The following ASCC1 variants were observed in gnomAD, a reference collection of about 807,000 sequenced individuals.
The protein encoded by ASCC1 is activating signal cointegrator 1 complex subunit 1.
A neutral mutation model predicts 46.6 loss-of-function variants in ASCC1; 35 were observed. The ratio of observed to expected loss-of-function variants is 0.75; its 90% CI spans 0.57 to 0.99. The LOEUF is 0.99. Among genes scored for constraint, ASCC1 ranks in the 50% least tolerant of loss-of-function variants. ASCC1 has a pLI of 0.00. For missense variants in ASCC1, 376 were observed against 428.7 expected, an observed-to-expected ratio of 0.88 and a Z score of 1.09; for synonymous variants, 143 against 146.6, an observed-to-expected ratio of 0.98 and a Z score of 0.18.
In ASCC1 at chr10:72,133,548, G is replaced by A. The variant is rs1255937380; in HGVS notation, c.747-367C>T. 9 of 306,990 alleles carry A rather than the reference G, an allele frequency of 2.9e-5. No individual in the cohort carries two copies. In the East Asian group the frequency reaches 7.5e-4, roughly 26 times the overall value. The allele number at this position is 306,990 out of a possible 1,614,324, so 19.0% of individuals were successfully genotyped here. A position where few individuals can be genotyped will look rare whatever the true frequency, so the allele number is the denominator to read the frequency against. On this transcript the variant is annotated intron_variant, in intron 7 of 9. Transcript: ENST00000672957. ...GGCACTTCAAGTAGAAGAAGAAACA[G>A]CAAGTGCAAAGATGCCAAGGCATGC...
rs12266447 is a variant in ASCC1 at position 72,112,114 on chromosome 10, G to A, written c.958-14664C>T. ...TATTTGGTCTGGTCTCTAACAAAGG[G>A]CTGCTTCAAAGAGGACAGTGCCCTG... On this transcript the variant is annotated intron_variant, in intron 9 of 9. Transcript: ENST00000672957. 4.2e-3 allele frequency among the ~76,000 whole-genome samples: 637 copies of A among 152,262 alleles called. 10 individuals carry two copies. Among genetic ancestry groups the A allele is most frequent in the African/African-American group, 0.014 (571 of 41,550 alleles).
At chr10:72,147,563 A>C (rs961023443) in intron 7 of ASCC1, among the ~76,000 whole-genome samples, 1 of 152,092 alleles carries the variant, frequency 6.6e-6, no homozygotes, top group African/African-American at 2.4e-5. Context: ...TAAAATAATA[A>C]ATTTTAAGTT....
chr10:72,129,627 G>A (rs1845320537), intron 8 of ASCC1, among the ~76,000 whole-genome samples: 2 of 151,822 alleles, frequency 1.3e-5, no homozygotes, highest in East Asian at 3.9e-4. Flanking sequence ...CCAACATGGT[G>A]AAACCCCGTC....
chr10:72,101,667 A>G (rs1841776669), intron 9 of ASCC1, among the ~76,000 whole-genome samples: 1 of 152,142 alleles, frequency 6.6e-6, no homozygotes, highest in African/African-American at 2.4e-5. Context: ...ATGGTGGGGA[A>G]CCACTGAAGG....
intron 7 of ASCC1, among the ~76,000 whole-genome samples, chr10:72,135,618 A>C (rs1031908574): frequency 1.3e-5 from 2 of 152,162 alleles, no homozygotes; most frequent in Admixed American, 1.3e-4. Context: ...CAGTAGTTAC[A>C]GAGTGAGGTG....
At chr10:72,145,644 T>G (rs1352423809) in intron 7 of ASCC1, among the ~76,000 whole-genome samples, 1 of 152,236 alleles carries the variant, frequency 6.6e-6, no homozygotes, top group Admixed American at 6.5e-5. Context: ...TAAATTGCCA[T>G]AATAGTTTCC....
At chr10:72,216,959 C>A (rs75786221), upstream of ASCC1, 6,442 of 456,060 alleles carry the variant, frequency 0.014, 350 homozygotes, top group African/African-American at 0.12. Context: ...AGAAAAAAAT[C>A]CATAATGATC....
chr10:72,132,920 A>G, intron 8 of ASCC1, 137 bp downstream of exon 8: 5 of 1,047,950 alleles, frequency 4.8e-6, no homozygotes, highest in South Asian at 4.1e-5. Context: ...CACCTCTACT[A>G]TGCTCATCAG....
chr10:72,103,397 G>T (rs746672652), intron 9 of ASCC1, among the ~76,000 whole-genome samples: 2 of 152,144 alleles, frequency 1.3e-5, no homozygotes, highest in Non-Finnish European at 2.9e-5. Flanking sequence ...CTCCCAAAGT[G>T]CTGGGATTAC....
intron 6 of ASCC1, among the ~76,000 whole-genome samples, chr10:72,154,404 C>T (rs1848708815): frequency 6.6e-6 from 1 of 151,716 alleles, no homozygotes; most frequent in African/African-American, 2.4e-5. Flanking sequence ...TGAATATTAA[C>T]AGTAAAAGAA....
intron 4 of ASCC1, chr10:72,198,355 GGGGA>G: frequency 2.6e-5 from 2 of 77,924 alleles, no homozygotes; most frequent in Non-Finnish European, 4.6e-5. Flanking sequence ...GGGGAGGGGA[GGGGA>G]GGGGAGGGGG....
chr10:72,119,936 G>A (rs1420453017), intron 9 of ASCC1, among the ~76,000 whole-genome samples: 2 of 152,194 alleles, frequency 1.3e-5, no homozygotes, highest in African/African-American at 2.4e-5. Context: ...AAATACTAGT[G>A]ATTAAAAGCA....
chr10:72,208,132 C>T (rs1294029410), intron 3 of ASCC1, among the ~76,000 whole-genome samples: 2 of 151,932 alleles, frequency 1.3e-5, no homozygotes, highest in African/African-American at 4.8e-5. Context: ...ACCCAGCCTT[C>T]CGAGTAAATA....
At chr10:72,208,783 GTT>G (rs200561981) in intron 3 of ASCC1, among the ~76,000 whole-genome samples, 1 of 150,388 alleles carries the variant, frequency 6.6e-6, no homozygotes, top group Non-Finnish European at 1.5e-5. Context: ...GTGTGTGTGT[GTT>G]TGTGTGTGTG....
At chr10:72,121,410 G>A (rs1844187492) in intron 9 of ASCC1, among the ~76,000 whole-genome samples, 4 of 151,756 alleles carry the variant, frequency 2.6e-5, no homozygotes, top group South Asian at 2.1e-4. Flanking sequence ...CTCCCAAAGC[G>A]CTGGGACTAC....
At chr10:72,168,312 G>C (rs923176395) in intron 5 of ASCC1, among the ~76,000 whole-genome samples, 1 of 152,002 alleles carries the variant, frequency 6.6e-6, no homozygotes, top group Non-Finnish European at 1.5e-5. Flanking sequence ...AAAATGACTC[G>C]AACATGTAGA....
At chr10:72,203,067 A>G (rs1478993215) in intron 4 of ASCC1, among the ~76,000 whole-genome samples, 15 of 152,190 alleles carry the variant, frequency 9.9e-5, no homozygotes. Context: ...GGGGAGGATC[A>G]CCTGAGGTCA....
intron 9 of ASCC1, among the ~76,000 whole-genome samples, chr10:72,109,904 C>T (rs748669986): frequency 1.3e-5 from 2 of 152,210 alleles, no homozygotes; most frequent in Non-Finnish European, 2.9e-5. Context: ...ACACTCCGCC[C>T]GTTTCCACAT....
At chr10:72,176,553 C>T (rs1851879384) in intron 5 of ASCC1, among the ~76,000 whole-genome samples, 1 of 152,092 alleles carries the variant, frequency 6.6e-6, no homozygotes, top group South Asian at 2.1e-4. Context: ...CTATGTTGCC[C>T]AGGCTGGTTT....
Sources: gnomAD v4.1 joint callset for allele counts (sites outside exome capture counted in the v4.1 genomes callset) on GRCh38, gnomAD v4.1.1 for gene constraint, MANE v1.5 for transcripts, NCBI Gene and HGNC (gene_info 2026-07-23, HGNC 2026-07-21) for gene names.